Variants in C7orf33 observed in about 807,000 individuals in gnomAD.
C7orf33 encodes the protein chromosome 7 open reading frame 33, also known as uncharacterized protein C7orf33.
A neutral mutation model predicts 13.4 loss-of-function variants in C7orf33; 15 were observed. The observed-to-expected ratio is 1.12, with a 90% CI of 0.75 to 1.72. The LOEUF is 1.72. Among genes scored for constraint, C7orf33 ranks in the 40% most tolerant of loss-of-function variants. C7orf33 has a pLI of 0.00. For missense variants in C7orf33, 187 were observed against 220.3 expected (o/e 0.85, Z 0.96); for synonymous variants, 73 against 83.2 (o/e 0.88, Z 0.67).
At chr7:148,608,498 T>C (rs1047036313) in intron 1 of C7orf33, among the ~76,000 whole-genome samples, 9 of 152,114 alleles carry the variant, frequency 5.9e-5, no homozygotes, top group East Asian at 1.9e-4. Context: ...TCACTCGACA[T>C]GGACTTAAGA....
Position 148,598,462 on chromosome 7 carries a change from T to A in C7orf33, c.204+7333T>A, listed in dbSNP as rs184951220. ...GCTACTCAAAATATGGTCTGAGAAC[T>A]GTTTGTTTCTGGTAAACCAATGCCC... On this transcript the variant is annotated intron_variant, in intron 1 of 2. Coordinates refer to ENST00000307003, the MANE Select transcript of C7orf33 (RefSeq NM_145304.4). Among the ~76,000 whole-genome samples, 6 of 152,102 alleles carry A rather than the reference T, an allele frequency of 3.9e-5. No individual in the cohort carries two copies. The East Asian group carries it at 1.2e-3, about 29-fold the overall frequency.
intron 1 of C7orf33, among the ~76,000 whole-genome samples, chr7:148,603,768 C>T (rs984987217): frequency 3.9e-5 from 6 of 152,192 alleles, no homozygotes; most frequent in African/African-American, 1.4e-4. Context: ...AGGAGAGAGC[C>T]TTCTTAAACT....
chr7:148,605,093 A>G (rs369524112), intron 1 of C7orf33, among the ~76,000 whole-genome samples: 3 of 152,220 alleles, frequency 2.0e-5, no homozygotes, highest in Admixed American at 1.3e-4. Context: ...TTAGTCAGGC[A>G]TGGTGGCACA....
chr7:148,596,456 A>T (rs1242869740), intron 1 of C7orf33, among the ~76,000 whole-genome samples: 1 of 152,200 alleles, frequency 6.6e-6, no homozygotes, highest in East Asian at 1.9e-4. Context: ...AAATAAGTTT[A>T]ATTGGACTTA....
At chr7:148,612,628 T>G (rs537546661) in intron 1 of C7orf33, among the ~76,000 whole-genome samples, 52 of 152,092 alleles carry the variant, frequency 3.4e-4, no homozygotes, top group Non-Finnish European at 6.9e-4. Flanking sequence ...AATGTGTACA[T>G]GAAGAGATAC....
At chr7:148,601,318 A>T (rs1364059725) in intron 1 of C7orf33, among the ~76,000 whole-genome samples, 1 of 152,060 alleles carries the variant, frequency 6.6e-6, no homozygotes, top group South Asian at 2.1e-4. Flanking sequence ...GTAGCAGGTT[A>T]TTTATTTTCC....
At chr7:148,592,108 GCA>G (rs1239499977) in intron 1 of C7orf33, among the ~76,000 whole-genome samples, 1 of 152,148 alleles carries the variant, frequency 6.6e-6, no homozygotes, top group Non-Finnish European at 1.5e-5. Flanking sequence ...CCTCATTGTG[GCA>G]CAGTGCCCCA....
chr7:148,615,292 C>G, intron 2 of C7orf33, 35 bp from the exon 3 acceptor site: 1 of 1,422,956 alleles, frequency 7.0e-7, no homozygotes, highest in Non-Finnish European at 9.9e-7. Context: ...GTAAATCATC[C>G]TGAGATAACA....
At chr7:148,605,627 A>AT (rs1286286424) in intron 1 of C7orf33, among the ~76,000 whole-genome samples, 1 of 152,188 alleles carries the variant, frequency 6.6e-6, no homozygotes, top group Non-Finnish European at 1.5e-5. Context: ...ACCTGACCTC[A>AT]TACGGCCCAT....
intron 1 of C7orf33, 24 bp downstream of exon 1, chr7:148,591,153 A>G (rs1366612138): frequency 6.4e-7 from 1 of 1,566,064 alleles, no homozygotes; most frequent in African/African-American, 1.4e-5. Flanking sequence ...TCTAAGATGA[A>G]TCAACTGCTC....
At chr7:148,604,145 G>A (rs1282951606) in intron 1 of C7orf33, among the ~76,000 whole-genome samples, 1 of 140,342 alleles carries the variant, frequency 7.1e-6, no homozygotes, top group Non-Finnish European at 1.5e-5. Context: ...TCCTTTTTTC[G>A]AGATTGAGTC....
rs1014843158 is a variant in C7orf33, at chr7:148,609,083, C to T, written c.205-4959C>T. Among the ~76,000 whole-genome samples, 10 of 142,504 alleles carry T rather than the reference C, an allele frequency of 7.0e-5. No individual in the cohort carries two copies. The Admixed American group carries it at 7.2e-4, about 10-fold the overall frequency. 93.5% of individuals were successfully genotyped at this position (142,504 alleles called of 152,430 possible). ...TGTGTGAAATAGAAAATACCTTTCACGTTGCAAAGACGTTATTTTGAAAAA... is the reference window on the plus strand; with the variant it reads ...TGTGTGAAATAGAAAATACCTTTCATGTTGCAAAGACGTTATTTTGAAAAA... On this transcript the variant is annotated intron_variant, in intron 1 of 2. Transcript: ENST00000307003.
intron 1 of C7orf33, 33 bp downstream of exon 1, chr7:148,591,162 T>C: frequency 2.0e-6 from 3 of 1,520,894 alleles, no homozygotes; most frequent in Non-Finnish European, 2.7e-6. Flanking sequence ...AATCAACTGC[T>C]CTTTGAGTCA....
chr7:148,604,357 C>A (rs1363896460), intron 1 of C7orf33, among the ~76,000 whole-genome samples: 2 of 152,096 alleles, frequency 1.3e-5, no homozygotes, highest in Admixed American at 6.6e-5. Context: ...AAACTCCTGA[C>A]CTCAAGTAAT....
Position 148,608,684 on chromosome 7 carries a change from G to A in C7orf33, c.205-5358G>A, listed in dbSNP as rs574075912. ...GCAATAATAAGCCAGGCGTGGTGGC[G>A]CATGCCTGTAGTCCCAGCTACTCGG... On this transcript the variant is annotated intron_variant, in intron 1 of 2. Transcript: ENST00000307003. 2.0e-3 allele frequency among the ~76,000 whole-genome samples: 299 copies of A among 151,814 alleles called. 1 individual carries two copies. Among genetic ancestry groups the A allele is most frequent in the African/African-American group, 6.6e-3 (273 of 41,384 alleles).
intron 1 of C7orf33, among the ~76,000 whole-genome samples, chr7:148,595,308 A>T (rs1292359522): frequency 7.1e-6 from 1 of 140,268 alleles, no homozygotes; most frequent in Admixed American, 7.4e-5. Context: ...TAGATATATA[A>T]TATATAATAT....
chr7:148,601,323 T>G (rs1287058813), intron 1 of C7orf33, among the ~76,000 whole-genome samples: 1 of 152,192 alleles, frequency 6.6e-6, no homozygotes, highest in Non-Finnish European at 1.5e-5. Flanking sequence ...AGGTTATTTA[T>G]TTTCCAAATA....
At chr7:148,607,052 A>G (rs1796481855) in intron 1 of C7orf33, among the ~76,000 whole-genome samples, 1 of 151,140 alleles carries the variant, frequency 6.6e-6, no homozygotes, top group African/African-American at 2.5e-5. Context: ...ACACCCAGGG[A>G]AGGAGTAGTT....
intron 1 of C7orf33, among the ~76,000 whole-genome samples, chr7:148,613,784 T>C (rs187800632): frequency 6.6e-6 from 1 of 152,342 alleles, no homozygotes; most frequent in East Asian, 1.9e-4. Flanking sequence ...ACTGTAAACC[T>C]TGAATTGGTG....
Sources: allele counts gnomAD v4.1 joint callset (sites outside exome capture counted in the v4.1 genomes callset), GRCh38; gene constraint gnomAD v4.1.1; transcripts MANE v1.5; gene names NCBI Gene and HGNC (gene_info 2026-07-23, HGNC 2026-07-21).